The following RANBP2 variants were observed in gnomAD, a reference collection of about 807,000 sequenced individuals.
RANBP2 encodes the protein E3 SUMO-protein ligase RanBP2.
A neutral mutation model predicts 303.6 loss-of-function variants in RANBP2; 57 were observed. That is an observed-to-expected ratio of 0.19 (90% CI 0.15 to 0.23). The LOEUF is 0.23. Among genes scored for constraint, RANBP2 ranks in the 10% least tolerant of loss-of-function variants. The probability of loss-of-function intolerance (pLI) is 1.00; values close to 1 mark genes in which losing one functional copy is unlikely to be tolerated. For synonymous variants in RANBP2, 1,167 were observed against 1,301.5 expected (o/e 0.90, Z 2.23); for missense variants, 3,138 against 3,780.8 (o/e 0.83, Z 4.46).
At chr2:109,204,113 G>A in the RANBP2 span, among the ~76,000 whole-genome samples, 1 of 152,348 alleles carries the variant, frequency 6.6e-6, no homozygotes, top group East Asian at 1.9e-4. Flanking sequence ...CAGACAAGGC[G>A]AAGAGGGTAA....
the RANBP2 span, among the ~76,000 whole-genome samples, chr2:109,578,413 A>G: frequency 6.6e-6 from 1 of 152,236 alleles, no homozygotes; most frequent in Non-Finnish European, 1.5e-5. Context: ...AAAGGTCACT[A>G]CGTAATAATA....
chr2:108,886,176 G>C, the RANBP2 span, among the ~76,000 whole-genome samples: 8 of 152,148 alleles, frequency 5.3e-5, no homozygotes, highest in Non-Finnish European at 1.0e-4. Flanking sequence ...AGTTTTTTGA[G>C]AAATCTTACT....
the RANBP2 span, among the ~76,000 whole-genome samples, chr2:109,248,184 A>G: frequency 6.6e-6 from 1 of 152,194 alleles, no homozygotes; most frequent in African/African-American, 2.4e-5. Flanking sequence ...TATTCTGGAT[A>G]TTAATTCTTT....
downstream of RANBP2, among the ~76,000 whole-genome samples, chr2:108,786,117 CTTTT>C (rs987766364): frequency 1.4e-5 from 2 of 146,334 alleles, no homozygotes; most frequent in African/African-American, 5.2e-5. Context: ...TTGGCAAAAG[CTTTT>C]TTCTTTTCAA....
chr2:108,966,016 C>T, the RANBP2 span, among the ~76,000 whole-genome samples: 1 of 152,216 alleles, frequency 6.6e-6, no homozygotes, highest in African/African-American at 2.4e-5. Flanking sequence ...TTCCCTTTTA[C>T]AACTGGGGCT....
chr2:109,458,771 C>T, the RANBP2 span, among the ~76,000 whole-genome samples: 6 of 152,222 alleles, frequency 3.9e-5, no homozygotes, highest in African/African-American at 7.2e-5. Flanking sequence ...GCTGATTGGG[C>T]GAGGCCCACC....
At chr2:108,946,015 T>C in the RANBP2 span, among the ~76,000 whole-genome samples, 3 of 152,228 alleles carry the variant, frequency 2.0e-5, no homozygotes, top group African/African-American at 7.2e-5. Flanking sequence ...TCTGACTCCA[T>C]TCTCTGCACT....
chr2:108,958,105 C>T, the RANBP2 span, among the ~76,000 whole-genome samples: 3 of 152,226 alleles, frequency 2.0e-5, no homozygotes, highest in South Asian at 4.1e-4. Context: ...ACTAAACGAA[C>T]GCACACACCC....
chr2:109,622,526 T>C, the RANBP2 span, among the ~76,000 whole-genome samples: 1 of 152,230 alleles, frequency 6.6e-6, no homozygotes, highest in East Asian at 1.9e-4. Flanking sequence ...ACTGGATTTT[T>C]AGGGGTTTGC....
chr2:108,887,711 T>C, the RANBP2 span, among the ~76,000 whole-genome samples: 1 of 152,222 alleles, frequency 6.6e-6, no homozygotes, highest in Non-Finnish European at 1.5e-5. Context: ...TACTGATTTT[T>C]ATATGTTGGT....
At chr2:109,426,253 C>T in the RANBP2 span, among the ~76,000 whole-genome samples, 1 of 152,208 alleles carries the variant, frequency 6.6e-6, no homozygotes, top group Non-Finnish European at 1.5e-5. Context: ...ATGGTGATTC[C>T]TCTCATGGAT....
At chr2:108,770,960 T>C (rs1258548588) in intron 20 of RANBP2, among the ~76,000 whole-genome samples, 3 of 152,120 alleles carry the variant, frequency 2.0e-5, no homozygotes, top group Admixed American at 2.0e-4. Context: ...TTGGTATACA[T>C]GGCATGCTTC....
the RANBP2 span, among the ~76,000 whole-genome samples, chr2:108,904,164 A>G: frequency 2.6e-5 from 4 of 152,216 alleles, no homozygotes; most frequent in African/African-American, 9.6e-5. Context: ...AAAGACATGA[A>G]GAAACATTCA....
At chr2:108,773,841 G>T (rs574806094) in intron 23 of RANBP2, among the ~76,000 whole-genome samples, 1 of 152,222 alleles carries the variant, frequency 6.6e-6, no homozygotes, top group African/African-American at 2.4e-5. Flanking sequence ...TAGAGACAGG[G>T]TTTCACCATG....
the RANBP2 span, among the ~76,000 whole-genome samples, chr2:109,104,541 T>C: frequency 2.0e-5 from 3 of 151,714 alleles, no homozygotes; most frequent in Non-Finnish European, 4.4e-5. Flanking sequence ...TGGAGTGCAG[T>C]GGCGCAATCT....
Position 108,763,751 on chromosome 2 carries a change from C to G in RANBP2, c.3212C>G (p.Thr1071Ser), listed in dbSNP as rs1676914657. The G allele has an allele frequency of 1.4e-5, 23 of 1,613,952 alleles. No individual in the cohort carries two copies. The highest frequency in any genetic ancestry group is 1.9e-5 in the Non-Finnish European group (23 of 1,179,960). Residue 1071 changes from threonine to serine, a missense_variant, in exon 20 of 29, where the codon ACT becomes AGT. Physicochemically the swap from Thr to Ser is moderately conservative, Grantham distance 58. Coordinates refer to ENST00000283195, the MANE Select transcript of RANBP2 (RefSeq NM_006267.5). The stretch of plus-strand genomic sequence containing the variant: ...AGTGAAAGCCTTTTAGGTCTCCTGA[C>G]TTCAGATAAACCCTTGCAAGGAGAT... ...SNSESLLGLLTSDKPLQGDGY... is the reference protein window; with the variant it reads ...SNSESLLGLLSSDKPLQGDGY...
the RANBP2 span, among the ~76,000 whole-genome samples, chr2:109,327,474 C>T: frequency 2.1e-4 from 32 of 151,088 alleles, no homozygotes; most frequent in African/African-American, 7.2e-4. Context: ...CTTCCACATA[C>T]ATTTTAAATC....
the RANBP2 span, among the ~76,000 whole-genome samples, chr2:109,225,921 A>G: frequency 1.3e-5 from 2 of 152,180 alleles, no homozygotes; most frequent in Non-Finnish European, 2.9e-5. Flanking sequence ...GCTTTCCACC[A>G]TGCCAGCTAA....
the RANBP2 span, among the ~76,000 whole-genome samples, chr2:108,806,997 A>G: frequency 1.3e-5 from 2 of 152,194 alleles, no homozygotes; most frequent in Non-Finnish European, 2.9e-5. Flanking sequence ...GGCCTTGATT[A>G]AGTGCAGTTC....
Sources: allele counts gnomAD v4.1 joint callset (sites outside exome capture counted in the v4.1 genomes callset), GRCh38; gene constraint gnomAD v4.1.1; transcripts MANE v1.5; gene names NCBI Gene and HGNC (gene_info 2026-07-23, HGNC 2026-07-21).